Variants in DBR1 observed in about 807,000 individuals in gnomAD.
The protein encoded by DBR1 is lariat debranching enzyme.
DBR1 carries 33 observed loss-of-function variants against 45.9 expected under a neutral mutation model. The observed-to-expected ratio is 0.72, with a 90% CI of 0.55 to 0.96. The LOEUF is 0.96. Ranked by LOEUF, DBR1 falls within the 40% of genes least tolerant of loss-of-function variation. The pLI, the probability that DBR1 is intolerant of heterozygous loss-of-function variation, is 0.00. For missense variants in DBR1, 619 were observed against 667.4 expected (o/e 0.93, Z 0.80); for synonymous variants, 235 against 235.9 (o/e 1.00, Z 0.04).
chr3:138,174,023 GAAAAAAA>G (rs138787515), intron 1 of DBR1, among the ~76,000 whole-genome samples: 82,613 of 123,984 alleles, frequency 0.67, 24,746 homozygotes, highest in Admixed American at 0.71. Flanking sequence ...TCTGTCTCAA[GAAAAAAA>G]AAAAAAAAAA....
At position 138,163,450 on chromosome 3, in the gene DBR1, T is replaced by C; in HGVS notation, c.840A>G (p.Glu280=). The C allele has an allele frequency of 6.2e-7, 1 of 1,612,002 alleles. No individual in the cohort carries two copies. The highest frequency in any genetic ancestry group is 8.5e-7 in the Non-Finnish European group (1 of 1,178,144). The change falls in exon 7 of 8, where the codon GAA becomes GAG. Residue 280 remains glutamate (E), a synonymous_variant. Coordinates refer to ENST00000260803, the MANE Select transcript of DBR1 (RefSeq NM_016216.4). Reference sequence around the variant, plus strand: ...GAATAGTGAGCCATTCAATATCATATTCCAAGTAATCAGGAGCACTGGGGT... The same window carrying C: ...GAATAGTGAGCCATTCAATATCATACTCCAAGTAATCAGGAGCACTGGGGT... The part of the protein sequence containing the change: ...EHDPSAPDYL[E]YDIEWLTILR...
chr3:138,162,292 T>C lies in DBR1; in HGVS notation c.1232A>G (p.Gln411Arg), dbSNP rs139730052. The C allele has an allele frequency of 7.4e-6, 12 of 1,614,234 alleles. No homozygotes were observed. Among genetic ancestry groups the C allele is most frequent in the Non-Finnish European group, 9.3e-6 (11 of 1,180,038 alleles). The stretch of plus-strand genomic sequence containing the variant: ...AGATGTGTCTGTATTATATTCACTC[T>C]GGTCTTCTCCAGAGTCATTACTCTC... ...DVESNDSGED[Q>R]SEYNTDTSAL... is the part of the protein sequence containing the mutation. Residue 411 changes from glutamine to arginine, a missense_variant, in exon 8 of 8, where the codon CAG (glutamine) becomes CGG (arginine). Gln to Arg is a conservative substitution (Grantham distance 43). Coordinates refer to ENST00000260803, the MANE Select transcript of DBR1 (RefSeq NM_016216.4).
intron 2 of DBR1, among the ~76,000 whole-genome samples, chr3:138,173,171 C>A (rs913377003): frequency 6.7e-6 from 1 of 150,202 alleles, no homozygotes. Flanking sequence ...TCATACTATT[C>A]TCTACTTTTG....
At chr3:138,170,045 C>T (rs2042947469) in intron 4 of DBR1, 62 bp downstream of exon 4, 1 of 1,060,764 alleles carries the variant, frequency 9.4e-7, no homozygotes, top group South Asian at 1.3e-5. Context: ...GACCAAAATA[C>T]ATTTTGGCAC....
chr3:138,169,270 A>C (rs1239631392), intron 4 of DBR1, among the ~76,000 whole-genome samples: 1 of 152,192 alleles, frequency 6.6e-6, no homozygotes. Flanking sequence ...TCTATTTCAT[A>C]GGGTTTGAGT....
chr3:138,172,773 T>C (rs139645601), intron 2 of DBR1, among the ~76,000 whole-genome samples: 2 of 152,224 alleles, frequency 1.3e-5, no homozygotes, highest in East Asian at 1.9e-4. Flanking sequence ...CTTCAGCAAG[T>C]AAATGGCATG....
In DBR1 at chr3:138,162,032, C is replaced by T; in HGVS notation, c.1492G>A (p.Glu498Lys). ...DREGKPGGTV[E>K]SGNGEDLTKV... ...GTTAAGTCCTCTCCATTCCCTGACT[C>T]CACAGTCCCACCAGGTTTCCCCTCT... is the stretch of plus-strand genomic sequence containing the variant. Residue 498 changes from glutamate to lysine, a missense_variant, in exon 8 of 8, where the codon GAG (glutamate) becomes AAG (lysine). Around this residue, in one of 3 missense-constraint regions of DBR1, gnomAD observed 182 missense variants for 196.1 expected, o/e 0.93. Coordinates refer to ENST00000260803, the MANE Select transcript of DBR1 (RefSeq NM_016216.4). The T allele has an allele frequency of 2.5e-6, 4 of 1,614,172 alleles. No homozygotes were observed. Among genetic ancestry groups the T allele is most frequent in the Non-Finnish European group, 3.4e-6 (4 of 1,180,042 alleles).
chr3:138,167,671 C>T (rs1384072742), intron 4 of DBR1, among the ~76,000 whole-genome samples: 3 of 152,174 alleles, frequency 2.0e-5, no homozygotes, highest in Non-Finnish European at 2.9e-5. Flanking sequence ...TTGGGCCGGG[C>T]GCGGTGGCTC....
At chr3:138,163,730 T>C in intron 6 of DBR1, 48 bp downstream of exon 6, 1 of 1,297,984 alleles carries the variant, frequency 7.7e-7, no homozygotes, top group Non-Finnish European at 1.0e-6. Context: ...TTTTTTTAAG[T>C]CTCTGGAAGA....
intron 4 of DBR1, among the ~76,000 whole-genome samples, chr3:138,168,655 A>G (rs1309916087): frequency 6.6e-6 from 1 of 151,986 alleles, no homozygotes; most frequent in Non-Finnish European, 1.5e-5. Flanking sequence ...TAATGACTCT[A>G]AACTAGAGAA....
At position 138,162,540 on chromosome 3, in the gene DBR1, C is replaced by T. The variant is rs1459891859; in HGVS notation, c.984G>A (p.Leu328=). ...SATEEGMKEV[L]EKLNHDLKVP... is the part of the protein sequence containing the mutation. Reference sequence around the variant, plus strand: ...CCTTGAGATCATGATTCAATTTTTCCAATACTTCTTTCATACCTTCTTCTG... The same window carrying T: ...CCTTGAGATCATGATTCAATTTTTCTAATACTTCTTTCATACCTTCTTCTG... Residue 328 remains leucine, a synonymous_variant, in exon 8 of 8, where the codon TTG becomes TTA. Transcript: ENST00000260803. 4 of 1,612,876 alleles carry T rather than the reference C, an allele frequency of 2.5e-6. No homozygotes were observed.
intron 3 of DBR1, chr3:138,171,308 A>G (rs985312380): frequency 2.7e-5 from 5 of 186,890 alleles, no homozygotes; most frequent in Admixed American, 1.2e-4. Context: ...CCCCGTCTCT[A>G]CTAAAAATAC....
chr3:138,167,350 A>G, intron 4 of DBR1, 45 bp from the exon 5 acceptor site: 1 of 1,369,272 alleles, frequency 7.3e-7, no homozygotes, highest in East Asian at 2.3e-5. Context: ...CTTAAAACAG[A>G]TTAACCAAAA....
intron 4 of DBR1, 44 bp from the exon 5 acceptor site, chr3:138,167,349 G>C (rs1342763797): frequency 7.2e-7 from 1 of 1,388,488 alleles, no homozygotes; most frequent in Non-Finnish European, 9.9e-7. Context: ...TCTTAAAACA[G>C]ATTAACCAAA....
intron 4 of DBR1, among the ~76,000 whole-genome samples, chr3:138,169,648 T>G (rs577945761): frequency 1.3e-5 from 2 of 152,164 alleles, no homozygotes; most frequent in African/African-American, 2.4e-5. Flanking sequence ...TAAAAAAAAT[T>G]TTGCCGGGCA....
In DBR1 at chr3:138,173,641, C is replaced by T. The variant is rs1485626880; in HGVS notation, c.198-15G>A. The T allele has an allele frequency of 1.3e-5, 20 of 1,595,924 alleles. No homozygotes were observed. The East Asian group carries it at 4.5e-4, about 36-fold the overall frequency. ...CAGAGTAATACCTAGAACATAAGAG[C>T]AAAGTCAGTTACCACAATTAGGCAT... On this transcript the variant is annotated splice_polypyrimidine_tract_variant and intron_variant, in intron 1 of 7. Coordinates refer to ENST00000260803, the MANE Select transcript of DBR1 (RefSeq NM_016216.4).
chr3:138,163,308 A>G (rs2042915997), intron 7 of DBR1, 41 bp downstream of exon 7: 3 of 1,599,296 alleles, frequency 1.9e-6, no homozygotes, highest in African/African-American at 2.7e-5. Flanking sequence ...AAAATTATGC[A>G]TGCAATGGAA....
intron 5 of DBR1, among the ~76,000 whole-genome samples, chr3:138,165,952 G>A (rs1302791479): frequency 2.0e-5 from 3 of 152,226 alleles, no homozygotes; most frequent in Non-Finnish European, 2.9e-5. Flanking sequence ...GAAGTGAGAA[G>A]AATAAATCCA....
At chr3:138,166,673 C>A (rs1047189861) in intron 5 of DBR1, among the ~76,000 whole-genome samples, 2 of 152,150 alleles carry the variant, frequency 1.3e-5, no homozygotes, top group Non-Finnish European at 2.9e-5. Flanking sequence ...CTTCATCAGT[C>A]CCTATGCCTT....
Sources: gnomAD v4.1 joint callset for allele counts (sites outside exome capture counted in the v4.1 genomes callset) on GRCh38, gnomAD v4.1.1 for gene constraint, gnomAD v4.1.1 regional missense constraint, MANE v1.5 for transcripts, NCBI Gene and HGNC (gene_info 2026-07-23, HGNC 2026-07-21) for gene names.